The following FAT3 variants were observed in gnomAD, a reference collection of about 807,000 sequenced individuals.
FAT3 encodes the protein FAT atypical cadherin 3.
A neutral mutation model predicts 310.2 loss-of-function variants in FAT3; 95 were observed. The ratio of observed to expected loss-of-function variants is 0.31; its 90% CI spans 0.26 to 0.36. FAT3 has a LOEUF of 0.36. FAT3 is among the 10% of genes least tolerant of loss of function. The probability of loss-of-function intolerance (pLI) is 1.00; values close to 1 mark genes in which losing one functional copy is unlikely to be tolerated. For missense variants in FAT3, 5,408 were observed against 5,715.6 expected (o/e 0.95, Z 1.74); for synonymous variants, 2,314 against 2,192.9 (o/e 1.06, Z -1.54).
At chr11:92,838,101 C>T (rs1948451665) in intron 17 of FAT3, among the ~76,000 whole-genome samples, 1 of 152,138 alleles carries the variant, frequency 6.6e-6, no homozygotes, top group Non-Finnish European at 1.5e-5. Context: ...ATGGAAAGAG[C>T]TAAGGATCTG....
chr11:92,831,768 C>G lies in FAT3; in HGVS notation c.9628C>G (p.Gln3210Glu), dbSNP rs1444117156. 6.2e-7 allele frequency: 1 copy of G among 1,613,566 alleles called. No homozygotes were observed. Among genetic ancestry groups the G allele is most frequent in the South Asian group, 1.1e-5 (1 of 90,928 alleles). ...SYNISVRATD[Q>E]SPGQSLSSLT... ...CAACATCAGCGTGCGGGCCACTGACCAGAGTCCTGGACAGTCCCTGTCCTC... is the reference window on the plus strand; with the variant it reads ...CAACATCAGCGTGCGGGCCACTGACGAGAGTCCTGGACAGTCCCTGTCCTC... The change falls in exon 14 of 28, where the codon CAG (glutamine) becomes GAG (glutamate). Residue 3210 changes from glutamine to glutamate, a missense_variant. Around this residue, in one of 5 missense-constraint regions of FAT3, gnomAD observed 4,588 missense variants for 4,809.8 expected, o/e 0.95. Coordinates refer to ENST00000525166, the MANE Select transcript of FAT3 (RefSeq NM_001367949.2).
intron 2 of FAT3, chr11:92,400,593 G>T (rs576705079): frequency 4.0e-5 from 6 of 151,884 alleles, no homozygotes; most frequent in East Asian, 3.9e-4. Context: ...TGTCAGATGC[G>T]CATTTTCTTA....
chr11:92,458,871 A>G (rs966736917), intron 2 of FAT3, among the ~76,000 whole-genome samples: 1 of 152,146 alleles, frequency 6.6e-6, no homozygotes, highest in African/African-American at 2.4e-5. Flanking sequence ...TAATCCATTA[A>G]CTTTATTCAG....
In FAT3 at chr11:92,247,988, C is replaced by T. The variant is rs1565177859; in HGVS notation, c.-18+22814C>T. 2.0e-5 allele frequency among the ~76,000 whole-genome samples: 3 copies of T among 151,972 alleles called. 1 individual carries two copies. The highest frequency in any genetic ancestry group is 4.2e-4 in the South Asian group (2 of 4,816). ...CAGCAAGACCCTGTCTCAAAAAAAGCAAGTTCATGTAGATAATAACTTTAA... is the reference window on the plus strand; with the variant it reads ...CAGCAAGACCCTGTCTCAAAAAAAGTAAGTTCATGTAGATAATAACTTTAA... On this transcript the variant is annotated intron_variant, in intron 1 of 27. Transcript: ENST00000525166.
chr11:92,680,398 G>T (rs1202009977), intron 3 of FAT3, among the ~76,000 whole-genome samples: 1 of 152,122 alleles, frequency 6.6e-6, no homozygotes, highest in Non-Finnish European at 1.5e-5. Context: ...TGTCAACTTT[G>T]TCAAAGATAA....
intron 1 of FAT3, among the ~76,000 whole-genome samples, chr11:92,258,386 A>G (rs1488497343): frequency 6.6e-6 from 1 of 152,142 alleles, no homozygotes; most frequent in African/African-American, 2.4e-5. Context: ...GTGCTGTCAT[A>G]TTCAAACAAG....
At chr11:92,313,854 G>A (rs986124403) in intron 1 of FAT3, among the ~76,000 whole-genome samples, 2 of 152,190 alleles carry the variant, frequency 1.3e-5, no homozygotes, top group African/African-American at 2.4e-5. Context: ...CACCGCACCC[G>A]GCCTCAAACC....
At chr11:92,568,332 T>G (rs930611557) in intron 3 of FAT3, among the ~76,000 whole-genome samples, 2 of 152,138 alleles carry the variant, frequency 1.3e-5, no homozygotes, top group African/African-American at 4.8e-5. Context: ...ATCCATGAAT[T>G]AGATAGTGAC....
chr11:92,801,673 C>G lies in FAT3; in HGVS notation c.8660C>G (p.Pro2887Arg). 1 of 1,613,878 alleles carries G rather than the reference C, an allele frequency of 6.2e-7. No individual in the cohort carries two copies. Among genetic ancestry groups the G allele is most frequent in the Non-Finnish European group, 8.5e-7 (1 of 1,179,832 alleles). Residue 2887 changes from proline to arginine, a missense_variant, in exon 10 of 28, where the codon CCC becomes CGC. Transcript: ENST00000525166. ...TLKDLDHETD[P>R]TFTFSVVASD... ...AAGGACCTAGATCACGAGACAGACC[C>G]CACATTCACCTTCTCTGTGGTGGCC...
intron 3 of FAT3, among the ~76,000 whole-genome samples, chr11:92,653,019 C>T (rs1489667493): frequency 6.6e-6 from 1 of 152,170 alleles, no homozygotes; most frequent in Non-Finnish European, 1.5e-5. Context: ...ATTAGCTGGG[C>T]ATGGTGGCAC....
At chr11:92,308,047 G>A (rs1236180559) in intron 1 of FAT3, among the ~76,000 whole-genome samples, 1 of 151,762 alleles carries the variant, frequency 6.6e-6, no homozygotes, top group Non-Finnish European at 1.5e-5. Context: ...TTTTTTCCTG[G>A]TCACACAATT....
At chr11:92,538,519 T>C (rs1591421099) in intron 3 of FAT3, among the ~76,000 whole-genome samples, 1 of 152,312 alleles carries the variant, frequency 6.6e-6, no homozygotes, top group South Asian at 2.1e-4. Context: ...TTAACTGTTA[T>C]AGCTATTATT....
intron 3 of FAT3, among the ~76,000 whole-genome samples, chr11:92,696,898 A>G (rs1027746963): frequency 6.6e-6 from 1 of 152,238 alleles, no homozygotes; most frequent in African/African-American, 2.4e-5. Context: ...TGAAATAATT[A>G]TGTGTACAAG....
chr11:92,666,457 T>G (rs956103251), intron 3 of FAT3, among the ~76,000 whole-genome samples: 2 of 151,404 alleles, frequency 1.3e-5, no homozygotes, highest in Non-Finnish European at 2.9e-5. Flanking sequence ...GTTCACGCCA[T>G]TCTCCTGCCT....
At chr11:92,886,277 A>G (rs191402418) in intron 24 of FAT3, among the ~76,000 whole-genome samples, 130 of 152,278 alleles carry the variant, frequency 8.5e-4, no homozygotes, top group African/African-American at 2.9e-3. Flanking sequence ...ACCTCAAGAT[A>G]TAGGCTGTTT....
intron 3 of FAT3, among the ~76,000 whole-genome samples, chr11:92,551,346 A>G (rs1329505087): frequency 6.7e-6 from 1 of 150,224 alleles, no homozygotes; most frequent in East Asian, 2.0e-4. Flanking sequence ...ATGGGGCCTC[A>G]TTCTCCTCTG....
At chr11:92,861,389 G>C (rs1256839494) in intron 21 of FAT3, among the ~76,000 whole-genome samples, 1 of 152,228 alleles carries the variant, frequency 6.6e-6, no homozygotes, top group East Asian at 1.9e-4. Context: ...ACTGGCAAAA[G>C]TCTAAAATGT....
chr11:92,405,822 G>A (rs1372623417), intron 2 of FAT3, among the ~76,000 whole-genome samples: 2 of 152,268 alleles, frequency 1.3e-5, no homozygotes, highest in East Asian at 3.9e-4. Flanking sequence ...ATTTGGAAAG[G>A]AGGCAATAAG....
Position 92,805,368 on chromosome 11 carries a change from G to T in FAT3, c.9093+19G>T. On this transcript the variant is annotated intron_variant, in intron 11 of 27. Coordinates refer to ENST00000525166, the MANE Select transcript of FAT3 (RefSeq NM_001367949.2). ...TGATCAGGTGAGATTTGGGGATAGG[G>T]TTCTGCTTTTACTCTGCTTCTCCAA... 1.3e-6 allele frequency: 2 copies of T among 1,599,786 alleles called. No homozygotes were observed. The highest frequency in any genetic ancestry group is 1.7e-6 in the Non-Finnish European group (2 of 1,171,838).
Sources: allele counts gnomAD v4.1 joint callset (sites outside exome capture counted in the v4.1 genomes callset), GRCh38; gene constraint gnomAD v4.1.1; regional missense constraint gnomAD v4.1.1; transcripts MANE v1.5; gene names NCBI Gene and HGNC (gene_info 2026-07-23, HGNC 2026-07-21).